CAMK2D: variants seen among roughly 807,000 people sequenced by gnomAD.
CAMK2D encodes calcium/calmodulin-dependent protein kinase type II subunit delta.
In CAMK2D, 37 loss-of-function variants were observed where a neutral mutation model predicts 84.0. That is an observed-to-expected ratio of 0.44 (90% CI 0.34 to 0.58). CAMK2D has a LOEUF of 0.58. Among genes scored for constraint, CAMK2D ranks in the 20% least tolerant of loss-of-function variants. CAMK2D has a pLI of 0.02. For missense variants in CAMK2D, 448 were observed against 652.5 expected, an observed-to-expected ratio of 0.69 and a Z score of 3.41; for synonymous variants, 202 against 212.5, an observed-to-expected ratio of 0.95 and a Z score of 0.43.
chr4:113,531,183 T>G (rs565593147), intron 8 of CAMK2D, 33 bp downstream of exon 8: 1 of 1,114,456 alleles, frequency 9.0e-7, no homozygotes. Context: ...CACTAGCTTA[T>G]CACAAAATTT....
chr4:113,761,137 C>T lies in CAMK2D; in HGVS notation c.-69G>A. 6.2e-7 allele frequency: 1 copy of T among 1,605,512 alleles called. No homozygotes were observed. Among genetic ancestry groups the T allele is most frequent in the Non-Finnish European group, 8.5e-7 (1 of 1,177,298 alleles). On this transcript the variant is annotated 5_prime_UTR_variant, in exon 1 of 21. Coordinates refer to ENST00000511664, the MANE Select transcript of CAMK2D (RefSeq NM_001321571.2). Reference sequence around the variant, plus strand: ...AAGCGAGCAGACGCGCGGCTAACCCCGGGACTGGCCCCGCGGCGCTGTCAC... The same window carrying T: ...AAGCGAGCAGACGCGCGGCTAACCCTGGGACTGGCCCCGCGGCGCTGTCAC...
At chr4:113,672,119 C>T (rs993712371) in intron 2 of CAMK2D, among the ~76,000 whole-genome samples, 3 of 152,052 alleles carry the variant, frequency 2.0e-5, no homozygotes, top group African/African-American at 7.2e-5. Context: ...TAAAATACCT[C>T]AGATAATTTA....
intron 4 of CAMK2D, among the ~76,000 whole-genome samples, chr4:113,598,980 T>C (rs1404887724): frequency 6.6e-6 from 1 of 151,930 alleles, no homozygotes; most frequent in Non-Finnish European, 1.5e-5. Flanking sequence ...AAATGAACAA[T>C]CTAATAAAAA....
chr4:113,548,979 T>C (rs547207713), intron 5 of CAMK2D, among the ~76,000 whole-genome samples: 6 of 152,352 alleles, frequency 3.9e-5, no homozygotes, highest in South Asian at 2.1e-4. Context: ...GTTGTTTTCA[T>C]TGTAAGTGTA....
At chr4:113,660,517 G>C (rs1005555610) in intron 3 of CAMK2D, among the ~76,000 whole-genome samples, 3 of 152,026 alleles carry the variant, frequency 2.0e-5, no homozygotes, top group African/African-American at 7.2e-5. Flanking sequence ...AGCCTCTCTA[G>C]TACCTGGGAC....
Position 113,452,061 on chromosome 4 carries a change from T to C in CAMK2D, c.*2484A>G, listed in dbSNP as rs776176776. 1 of 149,246 alleles carries C rather than the reference T, an allele frequency of 6.7e-6. No individual in the cohort carries two copies. The highest frequency in any genetic ancestry group is 1.5e-5 in the Non-Finnish European group (1 of 67,572). The allele number at this position is 149,246 out of a possible 1,614,324, so 9.2% of individuals were successfully genotyped here. On this transcript the variant is annotated 3_prime_UTR_variant, in exon 21 of 21. Transcript: ENST00000511664. The stretch of plus-strand genomic sequence containing the variant: ...GTATGCTCAAGTTCAAGCTGGGGAG[T>C]AGCAGGAGCTGGGGTGCTTGCCTGT...
chr4:113,688,962 T>C (rs1279563636), intron 2 of CAMK2D, among the ~76,000 whole-genome samples: 1 of 126,322 alleles, frequency 7.9e-6, no homozygotes, highest in South Asian at 2.5e-4. Flanking sequence ...AAAAAAATGA[T>C]GGCCGGGTGC....
intron 4 of CAMK2D, among the ~76,000 whole-genome samples, chr4:113,606,330 C>G (rs190463792): frequency 5.9e-5 from 9 of 151,862 alleles, no homozygotes; most frequent in Middle Eastern, 3.4e-3. Context: ...AATTAGCCGG[C>G]ATGGTGGCGC....
At chr4:113,754,103 T>C (rs746773541) in intron 2 of CAMK2D, 150 of 872,824 alleles carry the variant, frequency 1.7e-4, no homozygotes, top group Non-Finnish European at 1.9e-4. Context: ...TATAAAGATA[T>C]GTTTTACAGT....
chr4:113,512,540 G>T (rs993768769), intron 12 of CAMK2D, among the ~76,000 whole-genome samples: 1 of 152,044 alleles, frequency 6.6e-6, no homozygotes, highest in East Asian at 1.9e-4. Flanking sequence ...ATGAACTTAG[G>T]TCTAAGAGAA....
intron 6 of CAMK2D, 108 bp from the exon 7 acceptor site, chr4:113,537,551 T>A (rs2098502071): frequency 1.5e-6 from 1 of 659,006 alleles, no homozygotes; most frequent in Non-Finnish European, 2.7e-6. Context: ...TCATGCACTG[T>A]CATCTTTCCT....
At chr4:113,532,502 G>A (rs1052131839) in intron 7 of CAMK2D, among the ~76,000 whole-genome samples, 4 of 152,184 alleles carry the variant, frequency 2.6e-5, no homozygotes. Flanking sequence ...ACTGCCTAAA[G>A]CTTGAAGATT....
intron 2 of CAMK2D, among the ~76,000 whole-genome samples, chr4:113,747,491 C>A (rs1322104752): frequency 6.6e-6 from 1 of 151,980 alleles, no homozygotes; most frequent in African/African-American, 2.4e-5. Context: ...GGCATTCAAG[C>A]AGTTAATAAT....
intron 2 of CAMK2D, among the ~76,000 whole-genome samples, chr4:113,673,417 A>G (rs1339996472): frequency 6.6e-6 from 1 of 152,196 alleles, no homozygotes; most frequent in Non-Finnish European, 1.5e-5. Context: ...CTCACAAGGG[A>G]CAATGCCCAA....
At chr4:113,588,816 C>T (rs765119948) in intron 4 of CAMK2D, among the ~76,000 whole-genome samples, 14 of 151,224 alleles carry the variant, frequency 9.3e-5, no homozygotes, top group Non-Finnish European at 1.5e-4. Flanking sequence ...ATGGAGCTTA[C>T]GTCATAGTTG....
intron 3 of CAMK2D, among the ~76,000 whole-genome samples, chr4:113,637,251 A>G (rs1298150570): frequency 6.6e-6 from 1 of 152,246 alleles, no homozygotes; most frequent in Non-Finnish European, 1.5e-5. Flanking sequence ...GACAGATATT[A>G]AAAAAGATTT....
At chr4:113,548,869 T>G (rs1223740535) in intron 5 of CAMK2D, 2 of 560,376 alleles carry the variant, frequency 3.6e-6, no homozygotes, top group African/African-American at 1.9e-5. Flanking sequence ...TAGCTTTACG[T>G]TGGAATCAAA....
chr4:113,711,421 AC>A (rs2099492249), intron 2 of CAMK2D, among the ~76,000 whole-genome samples: 1 of 152,064 alleles, frequency 6.6e-6, no homozygotes, highest in African/African-American at 2.4e-5. Context: ...TAAATTCAAA[AC>A]CTAAACTAAA....
intron 3 of CAMK2D, among the ~76,000 whole-genome samples, chr4:113,625,883 C>G (rs1233373339): frequency 6.6e-6 from 1 of 151,706 alleles, no homozygotes; most frequent in East Asian, 1.9e-4. Flanking sequence ...TGTAAAAAGT[C>G]AGGTGATGTA....
Sources: allele counts gnomAD v4.1 joint callset (sites outside exome capture counted in the v4.1 genomes callset), GRCh38; gene constraint gnomAD v4.1.1; transcripts MANE v1.5; gene names NCBI Gene and HGNC (gene_info 2026-07-23, HGNC 2026-07-21).